Variants in GRID2 observed in about 807,000 individuals in gnomAD.
GRID2 encodes the protein glutamate receptor ionotropic, delta-2.
A neutral mutation model predicts 114.8 loss-of-function variants in GRID2; 33 were observed. The ratio of observed to expected loss-of-function variants is 0.29; its 90% confidence interval spans 0.22 to 0.38. The LOEUF (loss-of-function observed/expected upper bound fraction) is 0.38, where lower values mean the gene tolerates loss of function less well. Ranked by LOEUF, GRID2 falls within the 10% of genes least tolerant of loss-of-function variation. The pLI is 1.00. For synonymous variants in GRID2, 505 were observed against 449.9 expected, an observed-to-expected ratio of 1.12 and a Z score of -1.55; for missense variants, 1,184 against 1,257.7, an observed-to-expected ratio of 0.94 and a Z score of 0.89.
intron 12 of GRID2, among the ~76,000 whole-genome samples, chr4:93,512,492 C>T (rs1188070144): frequency 1.3e-5 from 2 of 152,032 alleles, no homozygotes; most frequent in Admixed American, 6.6e-5. Flanking sequence ...TTGCTTCAGT[C>T]GTTTTATTTT....
chr4:92,828,933 G>C (rs1741916403), intron 2 of GRID2, among the ~76,000 whole-genome samples: 1 of 151,934 alleles, frequency 6.6e-6, no homozygotes, highest in Admixed American at 6.6e-5. Flanking sequence ...CAGATGGATA[G>C]ATTGCAAAAA....
intron 1 of GRID2, among the ~76,000 whole-genome samples, chr4:92,446,856 C>G (rs538621703): frequency 2.0e-5 from 3 of 152,176 alleles, no homozygotes; most frequent in Non-Finnish European, 4.4e-5. Context: ...CAGAAGTTCT[C>G]AAGTTTTACC....
intron 2 of GRID2, among the ~76,000 whole-genome samples, chr4:92,719,453 G>A (rs1162617325): frequency 2.6e-5 from 4 of 152,010 alleles, no homozygotes; most frequent in East Asian, 3.9e-4. Flanking sequence ...ATTAATGATC[G>A]TTACTCTTTC....
intron 1 of GRID2, among the ~76,000 whole-genome samples, chr4:92,453,383 A>G (rs577929664): frequency 1.3e-5 from 2 of 152,266 alleles, no homozygotes; most frequent in East Asian, 1.9e-4. Context: ...TGCTAATGCT[A>G]TCTTGCTCAG....
At chr4:92,708,858 A>T (rs1735075906) in intron 2 of GRID2, among the ~76,000 whole-genome samples, 1 of 152,162 alleles carries the variant, frequency 6.6e-6, no homozygotes, top group African/African-American at 2.4e-5. Flanking sequence ...CGGAGGTTGC[A>T]GTGAGCTGAG....
At chr4:92,363,114 G>A (rs774966888) in intron 1 of GRID2, among the ~76,000 whole-genome samples, 2 of 152,042 alleles carry the variant, frequency 1.3e-5, no homozygotes, top group Non-Finnish European at 2.9e-5. Flanking sequence ...AGTATGGCCA[G>A]CAGACAACAC....
intron 8 of GRID2, among the ~76,000 whole-genome samples, chr4:93,365,443 T>G (rs1449729716): frequency 6.6e-6 from 1 of 152,172 alleles, no homozygotes; most frequent in Non-Finnish European, 1.5e-5. Flanking sequence ...TGACAGAGAT[T>G]TACTAAAGTT....
chr4:92,316,428 A>G (rs1447982782), intron 1 of GRID2, among the ~76,000 whole-genome samples: 1 of 152,122 alleles, frequency 6.6e-6, no homozygotes, highest in East Asian at 1.9e-4. Context: ...TCTATAATCC[A>G]TTAATTTCAA....
intron 1 of GRID2, among the ~76,000 whole-genome samples, chr4:92,384,516 ATTATAT>A (rs1729793011): frequency 3.3e-5 from 1 of 30,576 alleles, no homozygotes; most frequent in Admixed American, 8.4e-4. Context: ...TATATATAAT[ATTATAT>A]AATATAATAT....
intron 4 of GRID2, among the ~76,000 whole-genome samples, chr4:93,176,915 A>G (rs1360969228): frequency 1.3e-5 from 2 of 152,116 alleles, no homozygotes; most frequent in Admixed American, 6.5e-5. Flanking sequence ...ATCCATGTGT[A>G]TTTCCGGAGT....
chr4:92,450,693 T>G (rs1302060221), intron 1 of GRID2, among the ~76,000 whole-genome samples: 1 of 151,886 alleles, frequency 6.6e-6, no homozygotes, highest in South Asian at 2.1e-4. Context: ...TTTTCAATAT[T>G]CTTAATGGTA....
At chr4:92,639,872 C>T (rs1731259940) in intron 2 of GRID2, among the ~76,000 whole-genome samples, 1 of 151,656 alleles carries the variant, frequency 6.6e-6, no homozygotes, top group Admixed American at 6.6e-5. Flanking sequence ...TATCTGATAA[C>T]AGTTTTTGCA....
At chr4:93,620,946 A>G (rs1251555215) in intron 13 of GRID2, among the ~76,000 whole-genome samples, 1 of 152,086 alleles carries the variant, frequency 6.6e-6, no homozygotes, top group Non-Finnish European at 1.5e-5. Flanking sequence ...TACGACTTTA[A>G]ACAAAATCTG....
chr4:93,075,883 CTTTTTTTTTTTTTTTTTT>C (rs10706922), intron 2 of GRID2, among the ~76,000 whole-genome samples: 36 of 76,602 alleles, frequency 4.7e-4, no homozygotes, highest in African/African-American at 1.1e-3. Context: ...AGTTACCTCT[CTTTTTTTTTTTTTTTTTT>C]TTTTTTTTTT....
intron 14 of GRID2, among the ~76,000 whole-genome samples, chr4:93,730,974 G>T (rs543864195): frequency 1.2e-4 from 18 of 152,306 alleles, no homozygotes; most frequent in African/African-American, 4.1e-4. Context: ...AGCCCGGCGT[G>T]GGGAGGGCAG....
At chr4:92,574,470 T>A (rs1245943531) in intron 1 of GRID2, among the ~76,000 whole-genome samples, 1 of 151,280 alleles carries the variant, frequency 6.6e-6, no homozygotes, top group African/African-American at 2.4e-5. Flanking sequence ...TATTTAGTGC[T>A]TCCTTCAGGA....
chr4:93,128,739 G>A (rs1734530366), intron 4 of GRID2, among the ~76,000 whole-genome samples: 1 of 152,112 alleles, frequency 6.6e-6, no homozygotes, highest in Non-Finnish European at 1.5e-5. Context: ...CCTTTTCTGG[G>A]AGACCTGAAA....
In GRID2 at chr4:93,560,222, T is replaced by TAAAAAAAAAAAAAAAAAAAAAAAA. The variant is rs70942974; in HGVS notation, c.2193+44819_2193+44842dup. On this transcript the variant is annotated intron_variant, in intron 13 of 15. Coordinates refer to ENST00000282020, the MANE Select transcript of GRID2 (RefSeq NM_001510.4). ...TACGCATGTATTCCAGAACTTAAAG[T>TAAAAAAAAAAAAAAAAAAAAAAAA]AAAAAAAAAAAAAAAAAAAAAAAAA... Among the ~76,000 whole-genome samples, 7 of 42,946 alleles carry TAAAAAAAAAAAAAAAAAAAAAAAA rather than the reference T, an allele frequency of 1.6e-4. 1 individual carries two copies. Among genetic ancestry groups the TAAAAAAAAAAAAAAAAAAAAAAAA allele is most frequent in the African/African-American group, 2.7e-4 (3 of 11,270 alleles). The allele number at this position is 42,946 out of a possible 152,430, so 28.2% of individuals were successfully genotyped here.
At chr4:93,239,732 C>T (rs2149514449) in intron 8 of GRID2, among the ~76,000 whole-genome samples, 1 of 151,540 alleles carries the variant, frequency 6.6e-6, no homozygotes, top group Middle Eastern at 3.4e-3. Context: ...GATTCTCAAC[C>T]CTCCCATATG....
Sources: gnomAD v4.1 joint callset for allele counts (sites outside exome capture counted in the v4.1 genomes callset) on GRCh38, gnomAD v4.1.1 for gene constraint, MANE v1.5 for transcripts, NCBI Gene and HGNC (gene_info 2026-07-23, HGNC 2026-07-21) for gene names.